The following DPF3 variants were observed in gnomAD, a reference collection of about 807,000 sequenced individuals.
The protein encoded by DPF3 is zinc finger protein DPF3.
A neutral mutation model predicts 56.8 loss-of-function variants in DPF3; 18 were observed. The ratio of observed to expected loss-of-function variants is 0.32; its 90% CI spans 0.22 to 0.47. The LOEUF is 0.47. Among genes scored for constraint, DPF3 ranks in the 20% least tolerant of loss-of-function variants. DPF3 has a pLI of 1.00. For missense variants in DPF3, 403 were observed against 488.8 expected, an observed-to-expected ratio of 0.82 and a Z score of 1.65; for synonymous variants, 188 against 180.2, an observed-to-expected ratio of 1.04 and a Z score of -0.35.
At chr14:72,721,449 G>A (rs948277797) in intron 5 of DPF3, among the ~76,000 whole-genome samples, 8 of 152,130 alleles carry the variant, frequency 5.3e-5, no homozygotes, top group Admixed American at 3.3e-4. Flanking sequence ...GGCCCAGGAA[G>A]TCCAAGCTCA....
intron 8 of DPF3, among the ~76,000 whole-genome samples, chr14:72,660,173 T>C (rs1194564525): frequency 6.6e-6 from 1 of 151,964 alleles, no homozygotes; most frequent in Non-Finnish European, 1.5e-5. Context: ...CAGAACTATA[T>C]CTTAAAAGCG....
At chr14:72,882,947 T>C (rs1337678564) in intron 1 of DPF3, among the ~76,000 whole-genome samples, 2 of 151,864 alleles carry the variant, frequency 1.3e-5, no homozygotes, top group East Asian at 1.9e-4. Flanking sequence ...TCTATTGGAG[T>C]GGAAGCTCCT....
intron 6 of DPF3, among the ~76,000 whole-genome samples, chr14:72,704,734 A>C (rs1229667701): frequency 1.3e-5 from 2 of 152,108 alleles, no homozygotes; most frequent in Non-Finnish European, 2.9e-5. Context: ...CTTTTGTCTC[A>C]ATGACCCAAG....
At chr14:72,829,140 T>C (rs1418305401) in intron 1 of DPF3, among the ~76,000 whole-genome samples, 4 of 152,164 alleles carry the variant, frequency 2.6e-5, no homozygotes, top group African/African-American at 7.2e-5. Context: ...GCAAATAAAT[T>C]TAACCATCAT....
chr14:72,747,992 T>C (rs1420386537), intron 3 of DPF3, among the ~76,000 whole-genome samples: 4 of 152,166 alleles, frequency 2.6e-5, no homozygotes, highest in African/African-American at 9.7e-5. Context: ...ACTAATGCAG[T>C]AAATTGGTAC....
chr14:72,734,701 G>T (rs931944250), intron 3 of DPF3, among the ~76,000 whole-genome samples: 1 of 151,966 alleles, frequency 6.6e-6, no homozygotes, highest in Non-Finnish European at 1.5e-5. Flanking sequence ...TTGTAGATGC[G>T]TCACCCGAGA....
intron 1 of DPF3, among the ~76,000 whole-genome samples, chr14:72,882,886 G>A (rs1220100208): frequency 6.6e-6 from 1 of 152,060 alleles, no homozygotes; most frequent in Non-Finnish European, 1.5e-5. Context: ...CACTTACTTT[G>A]CCCTGCCAAA....
intron 1 of DPF3, 120 bp downstream of exon 1, chr14:72,893,936 GC>G: frequency 9.0e-7 from 1 of 1,117,132 alleles, no homozygotes. Flanking sequence ...GAAGAGAGAA[GC>G]CCCGCCGCGG....
At chr14:72,732,934 CTT>C (rs779127441) in intron 3 of DPF3, among the ~76,000 whole-genome samples, 58 of 149,926 alleles carry the variant, frequency 3.9e-4, no homozygotes, top group Non-Finnish European at 6.7e-4. Context: ...CTCTCTCTCT[CTT>C]TCTTTCTCTT....
intron 6 of DPF3, among the ~76,000 whole-genome samples, chr14:72,696,845 G>C (rs1479109721): frequency 2.0e-5 from 3 of 152,228 alleles, no homozygotes; most frequent in Non-Finnish European, 4.4e-5. Flanking sequence ...ACCCCAGACT[G>C]ACTGAATCAG....
intron 8 of DPF3, chr14:72,669,974 C>G: frequency 3.0e-6 from 3 of 985,986 alleles, no homozygotes; most frequent in Non-Finnish European, 3.6e-6. Context: ...ACCTCGCAGC[C>G]GGTCATTCTT....
rs906779209 is a variant in DPF3, at chr14:72,617,284, A to G, written c.*2013T>C. Among the ~76,000 whole-genome samples, 1 of 152,172 alleles carries G rather than the reference A, an allele frequency of 6.6e-6. No homozygotes were observed. Among genetic ancestry groups the G allele is most frequent in the Non-Finnish European group, 1.5e-5 (1 of 68,028 alleles). On this transcript the variant is annotated 3_prime_UTR_variant, in exon 11 of 11. Coordinates refer to ENST00000556509, the MANE Select transcript of DPF3 (RefSeq NM_001280542.3). ...TGTGGCACTTGGGAACATTTGGGGA[A>G]CTTTTTTTTCTAAATTTAAATTAAA...
At chr14:72,816,197 A>G (rs8006156) in intron 1 of DPF3, among the ~76,000 whole-genome samples, 122,609 of 151,852 alleles carry the variant, frequency 0.81, 50,223 homozygotes, top group South Asian at 0.97. Flanking sequence ...TGTACACTGC[A>G]CCAGCAGCTA....
At chr14:72,798,130 T>C (rs1457242573) in intron 1 of DPF3, among the ~76,000 whole-genome samples, 2 of 151,778 alleles carry the variant, frequency 1.3e-5, no homozygotes, top group Non-Finnish European at 2.9e-5. Flanking sequence ...GGCAGGCGCC[T>C]GTAATCCCAG....
intron 6 of DPF3, among the ~76,000 whole-genome samples, chr14:72,714,126 TGAGA>T (rs1259083199): frequency 1.3e-5 from 2 of 151,970 alleles, no homozygotes; most frequent in East Asian, 3.9e-4. Context: ...ACAGAGCGCG[TGAGA>T]GAGAGAGCCG....
intron 6 of DPF3, among the ~76,000 whole-genome samples, chr14:72,714,160 G>A (rs1888786593): frequency 6.6e-6 from 1 of 152,250 alleles, no homozygotes; most frequent in South Asian, 2.1e-4. Flanking sequence ...CACACAGGAG[G>A]CATGGCAGGA....
intron 1 of DPF3, among the ~76,000 whole-genome samples, chr14:72,828,079 A>G (rs1426786982): frequency 6.6e-6 from 1 of 152,210 alleles, no homozygotes; most frequent in Non-Finnish European, 1.5e-5. Flanking sequence ...GAGTTCTTCA[A>G]AAAATATTAT....
intron 8 of DPF3, among the ~76,000 whole-genome samples, chr14:72,649,259 G>A (rs1178583966): frequency 6.6e-6 from 1 of 152,134 alleles, no homozygotes; most frequent in African/African-American, 2.4e-5. Flanking sequence ...TCATCCCAAG[G>A]GGTGATGAGT....
chr14:72,872,701 A>G (rs1259625280), intron 1 of DPF3, among the ~76,000 whole-genome samples: 4 of 152,264 alleles, frequency 2.6e-5, no homozygotes, highest in African/African-American at 9.6e-5. Flanking sequence ...CCAAAACAGC[A>G]TGGTACTGGT....
Sources: allele counts gnomAD v4.1 joint callset (sites outside exome capture counted in the v4.1 genomes callset), GRCh38; gene constraint gnomAD v4.1.1; transcripts MANE v1.5; gene names NCBI Gene and HGNC (gene_info 2026-07-23, HGNC 2026-07-21).